FAF1: variants seen among roughly 807,000 people sequenced by gnomAD.
FAF1 encodes Fas associated factor 1.
Under a neutral mutation model 92.5 loss-of-function variants are expected in FAF1, and 25 were observed. That is an observed-to-expected ratio of 0.27 (90% CI 0.20 to 0.38). FAF1 has a LOEUF of 0.38. FAF1 is among the 10% of genes least tolerant of loss of function. FAF1 has a pLI of 1.00. For missense variants in FAF1, 636 were observed against 793.3 expected, an observed-to-expected ratio of 0.80 and a Z score of 2.38; for synonymous variants, 234 against 273.2, an observed-to-expected ratio of 0.86 and a Z score of 1.42.
chr1:50,661,847 T>TA (rs1296247957), intron 7 of FAF1, among the ~76,000 whole-genome samples: 1 of 151,836 alleles, frequency 6.6e-6, no homozygotes, highest in East Asian at 1.9e-4. Flanking sequence ...ACTTCATACC[T>TA]AAGGCCTTCT....
intron 1 of FAF1, among the ~76,000 whole-genome samples, chr1:50,875,283 A>G (rs186254209): frequency 2.0e-5 from 3 of 152,162 alleles, no homozygotes; most frequent in Admixed American, 6.5e-5. Context: ...TAATTAACAA[A>G]AATTGAATAT....
chr1:50,613,627 A>G (rs967055329), intron 8 of FAF1, among the ~76,000 whole-genome samples: 9 of 152,202 alleles, frequency 5.9e-5, no homozygotes, highest in African/African-American at 1.9e-4. Context: ...AAAAAATCCA[A>G]CAGATTTGAA....
intron 5 of FAF1, among the ~76,000 whole-genome samples, chr1:50,739,396 A>ACACGTACATACATATACATATATGTG (rs1557502953): frequency 1.7e-5 from 2 of 117,624 alleles, no homozygotes; most frequent in African/African-American, 9.4e-5. Context: ...ATGTGTGTTT[A>ACACGTACATACATATACATATATGTG]TGTGTATGTG....
At chr1:50,728,765 T>G (rs369370456) in intron 6 of FAF1, among the ~76,000 whole-genome samples, 2 of 145,718 alleles carry the variant, frequency 1.4e-5, no homozygotes, top group African/African-American at 5.1e-5. Context: ...CACTCTAGCC[T>G]GGGCGACAGA....
intron 15 of FAF1, among the ~76,000 whole-genome samples, chr1:50,519,432 GA>G (rs1647389586): frequency 2.1e-5 from 3 of 143,638 alleles, no homozygotes; most frequent in African/African-American, 5.2e-5. Context: ...AGGAAGGAAG[GA>G]AGGAAGGAGG....
chr1:50,700,206 A>G (rs1657406176), intron 7 of FAF1, among the ~76,000 whole-genome samples: 1 of 146,974 alleles, frequency 6.8e-6, no homozygotes. Context: ...TCATTGCTAC[A>G]GAGCAAGCGA....
intron 18 of FAF1, among the ~76,000 whole-genome samples, chr1:50,454,229 T>C (rs113972997): frequency 6.6e-6 from 1 of 152,230 alleles, no homozygotes; most frequent in Admixed American, 6.5e-5. Context: ...TCATAGACCC[T>C]ATGTGCCAGA....
At chr1:50,687,692 T>C (rs1569766114) in intron 7 of FAF1, among the ~76,000 whole-genome samples, 1 of 146,820 alleles carries the variant, frequency 6.8e-6, no homozygotes, top group South Asian at 2.2e-4. Context: ...GAGGTTGCAG[T>C]GAGCCAAGAT....
In FAF1 at chr1:50,662,335, A is replaced by G. The variant is rs183894223; in HGVS notation, c.658-6807T>C. 3.0e-3 allele frequency among the ~76,000 whole-genome samples: 463 copies of G among 152,336 alleles called. 1 individual carries two copies. The highest frequency in any genetic ancestry group is 0.011 in the African/African-American group (450 of 41,582). ...GCCTCTAAATGAATTCTTCATTCTA[A>G]TAACTGTAACTTAGTTTTGCTTTGT... On this transcript the variant is annotated intron_variant, in intron 7 of 18. Transcript: ENST00000396153.
chr1:50,478,819 A>C (rs781661478), intron 17 of FAF1, among the ~76,000 whole-genome samples: 1 of 152,184 alleles, frequency 6.6e-6, no homozygotes, highest in Non-Finnish European at 1.5e-5. Context: ...GTATTGTATA[A>C]AGCTTTATCC....
chr1:50,645,832 AAG>A (rs1481331526), intron 8 of FAF1, among the ~76,000 whole-genome samples: 2 of 126,376 alleles, frequency 1.6e-5, no homozygotes, highest in African/African-American at 6.7e-5. Flanking sequence ...CGTCTAAAAA[AAG>A]AAAAAAAAAA....
chr1:50,689,484 T>C (rs1475084837), intron 7 of FAF1, among the ~76,000 whole-genome samples: 3 of 152,070 alleles, frequency 2.0e-5, no homozygotes, highest in Non-Finnish European at 4.4e-5. Context: ...CTCAGGAGGC[T>C]GAAGCAAGAG....
intron 18 of FAF1, among the ~76,000 whole-genome samples, chr1:50,447,351 T>A (rs1210884857): frequency 6.6e-6 from 1 of 152,186 alleles, no homozygotes; most frequent in Non-Finnish European, 1.5e-5. Flanking sequence ...GGTCTCGATC[T>A]CCTGACCTAG....
intron 9 of FAF1, among the ~76,000 whole-genome samples, chr1:50,592,426 T>C (rs1460798655): frequency 6.6e-6 from 1 of 151,734 alleles, no homozygotes; most frequent in Non-Finnish European, 1.5e-5. Context: ...TCCAGAAATA[T>C]GGAAAAATCA....
intron 18 of FAF1, among the ~76,000 whole-genome samples, chr1:50,446,790 T>C (rs961734435): frequency 1.3e-5 from 2 of 152,116 alleles, no homozygotes; most frequent in Admixed American, 6.5e-5. Flanking sequence ...TAGGTTGGAT[T>C]TTTTTCTTCT....
chr1:50,602,456 A>G (rs1388258268), intron 8 of FAF1, among the ~76,000 whole-genome samples: 1 of 151,370 alleles, frequency 6.6e-6, no homozygotes, highest in Non-Finnish European at 1.5e-5. Flanking sequence ...ATAAGGCAGT[A>G]TTCAGTGCTA....
chr1:50,817,803 C>T (rs1168590470), intron 2 of FAF1, among the ~76,000 whole-genome samples: 1 of 151,942 alleles, frequency 6.6e-6, no homozygotes, highest in Non-Finnish European at 1.5e-5. Context: ...TTAAAGAGTA[C>T]AATTTACTCT....
chr1:50,591,175 A>G lies in FAF1; in HGVS notation c.840+4946T>C, dbSNP rs1651484810. Among the ~76,000 whole-genome samples, 4 of 152,168 alleles carry G rather than the reference A, an allele frequency of 2.6e-5. No homozygotes were observed. In the South Asian group the frequency reaches 8.3e-4, roughly 32 times the overall value. ...GGGTGTTGAATGTTACCAAATGCAG[A>G]TGATGACGTGTTTTTTTCCTTCATT... On this transcript the variant is annotated intron_variant, in intron 9 of 18. Transcript: ENST00000396153.
rs531816395 is a variant in FAF1 at position 50,454,605 on chromosome 1, T to C, written c.1870-13082A>G. On this transcript the variant is annotated intron_variant, in intron 18 of 18. Transcript: ENST00000396153. ...ACCGGACTAATACCTTTATTTCACCTTAGGATCCTCAGACAAGGCAGTTGC... is the reference window on the plus strand; with the variant it reads ...ACCGGACTAATACCTTTATTTCACCCTAGGATCCTCAGACAAGGCAGTTGC... Among the ~76,000 whole-genome samples, 4 of 152,334 alleles carry C rather than the reference T, an allele frequency of 2.6e-5. No homozygotes were observed. In the South Asian group the frequency reaches 8.3e-4, roughly 32 times the overall value.
Sources: allele counts gnomAD v4.1 joint callset (sites outside exome capture counted in the v4.1 genomes callset), GRCh38; gene constraint gnomAD v4.1.1; transcripts MANE v1.5; gene names NCBI Gene and HGNC (gene_info 2026-07-23, HGNC 2026-07-21).